Variants in XKR9 observed in about 807,000 individuals in gnomAD.
XKR9 encodes the protein XK related 9.
In XKR9, 32 loss-of-function variants were observed where a neutral mutation model predicts 32.0. The ratio of observed to expected loss-of-function variants is 1.00; its 90% CI spans 0.76 to 1.34. The LOEUF (loss-of-function observed/expected upper bound fraction) is 1.34. Among genes scored for constraint, XKR9 ranks in the 40% most tolerant of loss-of-function variants. The pLI is 0.00. For synonymous variants in XKR9, 168 were observed against 143.4 expected (o/e 1.17, Z -1.22); for missense variants, 546 against 429.7 (o/e 1.27, Z -2.39).
chr8:70,977,796 C>A, the XKR9 span, among the ~76,000 whole-genome samples: 1 of 151,996 alleles, frequency 6.6e-6, no homozygotes, highest in Non-Finnish European at 1.5e-5. Context: ...TCCCTGTTAA[C>A]CTTCTCTCTC....
At chr8:70,954,634 C>G in the XKR9 span, among the ~76,000 whole-genome samples, 1 of 152,174 alleles carries the variant, frequency 6.6e-6, no homozygotes, top group African/African-American at 2.4e-5. Context: ...TAACCTTGAG[C>G]CAACTTCTCT....
At chr8:71,048,161 T>G in the XKR9 span, among the ~76,000 whole-genome samples, 3 of 152,352 alleles carry the variant, frequency 2.0e-5, no homozygotes, top group African/African-American at 7.2e-5. Flanking sequence ...CATGATTTAT[T>G]TGATTCTCAT....
At chr8:70,688,599 G>C (rs1819392208) in intron 3 of XKR9, among the ~76,000 whole-genome samples, 1 of 152,002 alleles carries the variant, frequency 6.6e-6, no homozygotes, top group African/African-American at 2.4e-5. Flanking sequence ...TGTATTTTTA[G>C]TAGAGACGGG....
the XKR9 span, among the ~76,000 whole-genome samples, chr8:70,811,340 A>G: frequency 6.6e-6 from 1 of 152,210 alleles, no homozygotes. Flanking sequence ...AGAAAGCAGG[A>G]AAGATCTACA....
At chr8:70,685,058 C>T (rs1284444376) in intron 3 of XKR9, among the ~76,000 whole-genome samples, 1 of 150,094 alleles carries the variant, frequency 6.7e-6, no homozygotes, top group East Asian at 2.0e-4. Context: ...ATGTTGATTG[C>T]AGCACTATTC....
intron 2 of XKR9, among the ~76,000 whole-genome samples, chr8:70,761,591 G>C (rs1248695115): frequency 6.6e-6 from 1 of 152,054 alleles, no homozygotes. Flanking sequence ...ATAGATGCTG[G>C]ATATTAGACC....
At chr8:70,721,131 G>T (rs1277774607) in intron 4 of XKR9, among the ~76,000 whole-genome samples, 2 of 152,128 alleles carry the variant, frequency 1.3e-5, no homozygotes, top group African/African-American at 4.8e-5. Flanking sequence ...GTAGTTTTGT[G>T]TGATCAGTGG....
intron 2 of XKR9, among the ~76,000 whole-genome samples, chr8:70,677,443 T>C (rs1284185993): frequency 6.6e-6 from 1 of 152,182 alleles, no homozygotes; most frequent in African/African-American, 2.4e-5. Flanking sequence ...CTACTGCACC[T>C]GGCCAAGATT....
At chr8:70,776,487 T>C (rs1357341672) in intron 2 of XKR9, among the ~76,000 whole-genome samples, 1 of 152,120 alleles carries the variant, frequency 6.6e-6, no homozygotes, top group Admixed American at 6.6e-5. Flanking sequence ...GGATTCTTAT[T>C]TCTAATACAG....
chr8:71,002,398 G>T, the XKR9 span, among the ~76,000 whole-genome samples: 1 of 151,304 alleles, frequency 6.6e-6, no homozygotes, highest in Non-Finnish European at 1.5e-5. Context: ...AATAATTCCA[G>T]TTGTGTTTAT....
chr8:70,872,967 G>T, the XKR9 span, among the ~76,000 whole-genome samples: 1 of 152,142 alleles, frequency 6.6e-6, no homozygotes, highest in Non-Finnish European at 1.5e-5. Context: ...GCCACAGCTG[G>T]TACTTAGGTT....
At chr8:70,927,334 T>C in the XKR9 span, among the ~76,000 whole-genome samples, 1 of 152,152 alleles carries the variant, frequency 6.6e-6, no homozygotes, top group African/African-American at 2.4e-5. Context: ...GCCGGGCAGC[T>C]AAGTCAGAAA....
chr8:70,792,125 T>C (rs1429689089), downstream of XKR9, among the ~76,000 whole-genome samples: 1 of 152,168 alleles, frequency 6.6e-6, no homozygotes, highest in Non-Finnish European at 1.5e-5. Flanking sequence ...AAAGGATATC[T>C]CTCTAATTTT....
intron 2 of XKR9, among the ~76,000 whole-genome samples, chr8:70,742,186 C>G (rs1488821494): frequency 4.6e-5 from 7 of 152,100 alleles, no homozygotes; most frequent in African/African-American, 1.7e-4. Context: ...ACAAAAAAGC[C>G]TAAATAACCA....
chr8:70,815,062 T>G, the XKR9 span, among the ~76,000 whole-genome samples: 1 of 152,090 alleles, frequency 6.6e-6, no homozygotes, highest in Non-Finnish European at 1.5e-5. Flanking sequence ...AGGACAAGTG[T>G]AAAGCACTGA....
At chr8:70,700,444 C>G (rs1805478459) in intron 3 of XKR9, among the ~76,000 whole-genome samples, 1 of 152,156 alleles carries the variant, frequency 6.6e-6, no homozygotes, top group Admixed American at 6.5e-5. Flanking sequence ...TGCTAGAGGT[C>G]CACTCCAGAA....
chr8:71,055,318 C>G, the XKR9 span, among the ~76,000 whole-genome samples: 3 of 152,082 alleles, frequency 2.0e-5, no homozygotes, highest in Non-Finnish European at 2.9e-5. Context: ...AGGATATATA[C>G]AAATTCAGTG....
the XKR9 span, among the ~76,000 whole-genome samples, chr8:70,904,742 T>G: frequency 6.6e-6 from 1 of 152,334 alleles, no homozygotes; most frequent in Middle Eastern, 3.4e-3. Context: ...TTGGCATGTT[T>G]TTGGAGTGGC....
chr8:71,051,292 T>G, the XKR9 span, among the ~76,000 whole-genome samples: 1 of 152,212 alleles, frequency 6.6e-6, no homozygotes, highest in Non-Finnish European at 1.5e-5. Context: ...TGTTTTTGTT[T>G]CATTAATCTT....
Sources: gnomAD v4.1 joint callset for allele counts (sites outside exome capture counted in the v4.1 genomes callset) on GRCh38, gnomAD v4.1.1 for gene constraint, MANE v1.5 for transcripts, NCBI Gene and HGNC (gene_info 2026-07-23, HGNC 2026-07-21) for gene names.